TRIOBP: variants seen among roughly 807,000 people sequenced by gnomAD.
The protein encoded by TRIOBP is TRIO and F-actin-binding protein.
TRIOBP carries 169 observed loss-of-function variants against 238.8 expected under a neutral mutation model. The ratio of observed to expected loss-of-function variants is 0.71; its 90% CI spans 0.62 to 0.80. The LOEUF is 0.80. TRIOBP is among the 30% of genes least tolerant of loss of function. The probability of loss-of-function intolerance (pLI) is 0.00; values close to 1 mark genes in which losing one functional copy is unlikely to be tolerated. For missense variants in TRIOBP, 2,838 were observed against 3,122.6 expected (o/e 0.91, Z 2.17); for synonymous variants, 1,150 against 1,274.4 (o/e 0.90, Z 2.08).
intron 3 of TRIOBP, among the ~76,000 whole-genome samples, chr22:37,702,131 GAAGA>G (rs200443241): frequency 0.014 from 2,077 of 152,190 alleles, 23 homozygotes; most frequent in Middle Eastern, 0.065. Context: ...ACAAAAAAGA[GAAGA>G]AAGGTAGAAA....
At chr22:37,745,872 C>T (rs996408261) in intron 11 of TRIOBP, among the ~76,000 whole-genome samples, 4 of 152,174 alleles carry the variant, frequency 2.6e-5, no homozygotes, top group African/African-American at 9.6e-5. Context: ...GGTCGGGAAG[C>T]GCAGCCTGGG....
Position 37,725,231 on chromosome 22 carries a change from C to G in TRIOBP, c.2675C>G (p.Pro892Arg). Reference protein sequence around the residue: ...SPHRSTQWNNPRNSSPHRTNK... With the variant: ...SPHRSTQWNNRRNSSPHRTNK... Reference sequence around the variant, plus strand: ...CACCGCTCCACTCAATGGAACAATCCCAGGAATTCATCTCCCCATCGTACT... The same window carrying G: ...CACCGCTCCACTCAATGGAACAATCGCAGGAATTCATCTCCCCATCGTACT... Residue 892 changes from proline to arginine, a missense_variant, in exon 7 of 24, where the codon CCC becomes CGC. Transcript: ENST00000644935. 6.2e-7 allele frequency: 1 copy of G among 1,614,030 alleles called. No individual in the cohort carries two copies. The highest frequency in any genetic ancestry group is 8.5e-7 in the Non-Finnish European group (1 of 1,180,010).
At chr22:37,772,007 T>C in intron 22 of TRIOBP, 2 of 516,682 alleles carry the variant, frequency 3.9e-6, no homozygotes, top group Non-Finnish European at 3.6e-6. Context: ...TACTATATCC[T>C]GGGCACTGTG....
intron 11 of TRIOBP, among the ~76,000 whole-genome samples, chr22:37,745,170 A>G (rs1231934609): frequency 1.3e-5 from 2 of 152,142 alleles, no homozygotes; most frequent in African/African-American, 4.8e-5. Flanking sequence ...GGCAAGGGCA[A>G]TAATTTTTGA....
At chr22:37,748,436 G>A (rs190182495) in intron 11 of TRIOBP, among the ~76,000 whole-genome samples, 4 of 152,242 alleles carry the variant, frequency 2.6e-5, no homozygotes, top group African/African-American at 4.8e-5. Context: ...CTTTGCTCCC[G>A]GATCAGCCTT....
intron 6 of TRIOBP, among the ~76,000 whole-genome samples, chr22:37,718,070 G>T (rs1923624206): frequency 6.6e-6 from 1 of 152,214 alleles, no homozygotes; most frequent in South Asian, 2.1e-4. Flanking sequence ...ACCCTCCCCA[G>T]CCGCTGGCCC....
chr22:37,757,147 A>G (rs1925967418), intron 15 of TRIOBP, among the ~76,000 whole-genome samples: 1 of 152,154 alleles, frequency 6.6e-6, no homozygotes, highest in Admixed American at 6.5e-5. Context: ...GGAGCACGTG[A>G]GCCCAGGAGT....
chr22:37,720,996 T>C (rs1224789280), intron 6 of TRIOBP, among the ~76,000 whole-genome samples: 4 of 151,802 alleles, frequency 2.6e-5, no homozygotes, highest in Admixed American at 6.6e-5. Context: ...TAGCTGGGAT[T>C]ACAGGCATGC....
intron 16 of TRIOBP, among the ~76,000 whole-genome samples, chr22:37,758,706 A>G (rs1315263547): frequency 6.7e-6 from 1 of 149,990 alleles, no homozygotes. Flanking sequence ...AAGAAGAAGA[A>G]GGGCGAGACC....
At chr22:37,727,822 A>G (rs1233562864) in intron 7 of TRIOBP, among the ~76,000 whole-genome samples, 1 of 152,174 alleles carries the variant, frequency 6.6e-6, no homozygotes, top group Non-Finnish European at 1.5e-5. Context: ...GCCCCCTGGA[A>G]GGGGAGCATT....
intron 11 of TRIOBP, chr22:37,746,231 A>AAAAG: frequency 9.2e-7 from 1 of 1,089,886 alleles, no homozygotes; most frequent in Non-Finnish European, 1.1e-6. Flanking sequence ...AAAAAAAAAA[A>AAAAG]AGTTTTATGG....
chr22:37,724,796 C>G lies in TRIOBP; in HGVS notation c.2240C>G (p.Ser747Cys). The G allele has an allele frequency of 1.2e-6, 2 of 1,612,742 alleles. No individual in the cohort carries two copies. Among genetic ancestry groups the G allele is most frequent in the Non-Finnish European group, 1.7e-6 (2 of 1,179,226 alleles). ...ATCCAGCGAGACAACCCCAGAACATCCTGTGCCCAGCGGGACAATCCCAGA... is the reference window on the plus strand; with the variant it reads ...ATCCAGCGAGACAACCCCAGAACATGCTGTGCCCAGCGGGACAATCCCAGA... ...RTIQRDNPRT[S>C]CAQRDNPRAS... Residue 747 changes from serine to cysteine, a missense_variant, in exon 7 of 24, where the codon TCC (serine) becomes TGC (cysteine). Physicochemically the swap from Ser to Cys is moderately radical, Grantham distance 112. Transcript: ENST00000644935.
At position 37,755,585 on chromosome 22, in the gene TRIOBP, C is replaced by T. The variant is rs1925876673; in HGVS notation, c.5613C>T (p.Thr1871=). ...CTGTCTATACCTTGTCGGCCATGAC[C>T]TCAGGCATCCGGCGGAACTGGATCG... ...KDAVYTLSAM[T]SGIRRNWIEA... Residue 1871 remains threonine, a synonymous_variant, in exon 15 of 24, where the codon ACC becomes ACT. Transcript: ENST00000644935. 1.2e-6 allele frequency: 2 copies of T among 1,614,090 alleles called. No homozygotes were observed. The highest frequency in any genetic ancestry group is 1.7e-6 in the Non-Finnish European group (2 of 1,180,036).
At chr22:37,719,991 C>G (rs1442831110) in intron 6 of TRIOBP, among the ~76,000 whole-genome samples, 1 of 35,818 alleles carries the variant, frequency 2.8e-5, no homozygotes, top group African/African-American at 6.7e-5. Flanking sequence ...TCACTCATCC[C>G]CCCCCGCCCT....
chr22:37,700,075 C>G (rs1177353271), intron 2 of TRIOBP, among the ~76,000 whole-genome samples: 4 of 151,406 alleles, frequency 2.6e-5, no homozygotes, highest in Non-Finnish European at 4.4e-5. Context: ...CGGGGTTTCA[C>G]CATGTTGGCC....
chr22:37,726,489 CGGGCAAGAGCGCA>C lies in TRIOBP; in HGVS notation c.3936_3947+1del. 1 of 1,521,782 alleles carries C rather than the reference CGGGCAAGAGCGCA, an allele frequency of 6.6e-7. No homozygotes were observed. Among genetic ancestry groups the C allele is most frequent in the Non-Finnish European group, 8.8e-7 (1 of 1,140,488 alleles). 94.3% of individuals were successfully genotyped at this position (1,521,782 alleles called of 1,614,324 possible). A position where few individuals can be genotyped will look rare whatever the true frequency, so the allele number is the denominator to read the frequency against. On this transcript the variant is annotated frameshift_variant and splice_region_variant, in exon 7 of 24. Coordinates refer to ENST00000644935, the MANE Select transcript of TRIOBP (RefSeq NM_001039141.3). LOFTEE classifies it high-confidence loss of function. ...GCCGTGCAGAGGTGGAGCGCCTCTT[CGGGCAAGAGCGCA>C]GGTGAGCCCGGGGGTGGGGTCAGCC...
intron 3 of TRIOBP, 33 bp from the exon 4 acceptor site, chr22:37,710,394 C>T: frequency 6.2e-7 from 1 of 1,611,864 alleles, no homozygotes; most frequent in Non-Finnish European, 8.5e-7. Context: ...CACGTGGGCG[C>T]TGAGCTGTCT....
intron 3 of TRIOBP, among the ~76,000 whole-genome samples, chr22:37,705,459 G>A (rs566634565): frequency 2.0e-5 from 3 of 152,208 alleles, no homozygotes; most frequent in Non-Finnish European, 2.9e-5. Flanking sequence ...CAGGCAAGAG[G>A]GGGGCACAGA....
At chr22:37,701,514 T>C (rs1030440000) in intron 3 of TRIOBP, 35 bp downstream of exon 3, 1 of 1,492,824 alleles carries the variant, frequency 6.7e-7, no homozygotes, top group Non-Finnish European at 9.3e-7. Flanking sequence ...GGGTGGTTTG[T>C]GATGGGGGCA....
Sources: allele counts gnomAD v4.1 joint callset (sites outside exome capture counted in the v4.1 genomes callset), GRCh38; gene constraint gnomAD v4.1.1; transcripts MANE v1.5; gene names NCBI Gene and HGNC (gene_info 2026-07-23, HGNC 2026-07-21).